H2BC12: variants seen among roughly 807,000 people sequenced by gnomAD.
H2BC12 encodes H2B clustered histone 12.
Under a neutral mutation model 6.3 loss-of-function variants are expected in H2BC12, and 6 were observed. That is an observed-to-expected ratio of 0.95 (90% CI 0.52 to 1.87). H2BC12 has a LOEUF of 1.87. H2BC12 is among the 40% of genes most tolerant of loss of function. H2BC12 has a pLI of 0.01. For synonymous variants in H2BC12, 132 were observed against 78.5 expected (o/e 1.68, Z -3.60); for missense variants, 119 against 178.4 (o/e 0.67, Z 1.90).
chr6:27,139,487 A>G, the H2BC12 span: 1 of 1,614,158 alleles, frequency 6.2e-7, no homozygotes, highest in Admixed American at 1.7e-5. Context: ...GGAGTGTTGA[A>G]GGTGTTCCTG....
chr6:27,146,268 A>G (rs1562028372), downstream of H2BC12: 1 of 1,306,420 alleles, frequency 7.7e-7, no homozygotes, highest in Non-Finnish European at 1.1e-6. Context: ...TGCATTACTC[A>G]GTGTGATAAG....
At position 27,146,387 on chromosome 6, in the gene H2BC12, G is replaced by T; in HGVS notation, c.*31C>A. On this transcript the variant is annotated 3_prime_UTR_variant, in exon 1 of 1. Transcript: ENST00000356950. ...AAGTGGCTCTTAAAAGAGCCTTTGG[G>T]GTTGGGCTTTAAGACGCTTACTTGG... 1 of 1,614,044 alleles carries T rather than the reference G, an allele frequency of 6.2e-7. No homozygotes were observed. Among genetic ancestry groups the T allele is most frequent in the East Asian group, 2.2e-5 (1 of 44,888 alleles).
chr6:27,144,209 C>G (rs907236726), downstream of H2BC12, among the ~76,000 whole-genome samples: 1 of 152,086 alleles, frequency 6.6e-6, no homozygotes, highest in African/African-American at 2.4e-5. Context: ...CACCTGTAAT[C>G]CTAGCACTTT....
At chr6:27,140,795 T>C in the H2BC12 span, among the ~76,000 whole-genome samples, 1 of 152,236 alleles carries the variant, frequency 6.6e-6, no homozygotes, top group Non-Finnish European at 1.5e-5. Flanking sequence ...TCTATTCAGA[T>C]TCTCTACAGT....
downstream of H2BC12, among the ~76,000 whole-genome samples, chr6:27,142,565 A>T (rs1489486043): frequency 6.9e-6 from 1 of 145,606 alleles, no homozygotes; most frequent in Non-Finnish European, 1.5e-5. Context: ...TGCCCAGACA[A>T]TTTTTTTTAA....
rs1466395183 is a variant in H2BC12 at position 27,146,602 on chromosome 6, A to G, written c.197T>C (p.Phe66Ser). The stretch of plus-strand genomic sequence containing the variant: ...GATGCGTTCGAAGATGTCGTTGACG[A>G]AGGAGTTCATGATTCCCATGGCCTT... ...SSKAMGIMNS[F>S]VNDIFERIAG... Residue 66 changes from phenylalanine (F) to serine (S), a missense_variant, in exon 1 of 1, where the codon TTC (phenylalanine) becomes TCC (serine). Around this residue, in one of 2 missense-constraint regions of H2BC12, gnomAD observed 69 missense variants for 141.0 expected, o/e 0.49. Coordinates refer to ENST00000356950, the MANE Select transcript of H2BC12 (RefSeq NM_001312653.2). The G allele has an allele frequency of 6.2e-7, 1 of 1,614,236 alleles. No individual in the cohort carries two copies.
At chr6:27,140,918 C>T in the H2BC12 span, among the ~76,000 whole-genome samples, 1 of 149,752 alleles carries the variant, frequency 6.7e-6, no homozygotes, top group Non-Finnish European at 1.5e-5. Context: ...TTTAACTGTT[C>T]GTGATATCTT....
At chr6:27,140,462 T>C in the H2BC12 span, among the ~76,000 whole-genome samples, 1 of 152,264 alleles carries the variant, frequency 6.6e-6, no homozygotes, top group Non-Finnish European at 1.5e-5. Context: ...AGGTTATTTT[T>C]ACCATTAATC....
At chr6:27,146,281 CATG>C, downstream of H2BC12, 1 of 1,415,590 alleles carries the variant, frequency 7.1e-7, no homozygotes, top group African/African-American at 1.4e-5. Flanking sequence ...GTGATAAGAT[CATG>C]ATAATCCCTT....
chr6:27,146,338 T>C (rs1463814912), downstream of H2BC12: 7 of 1,594,894 alleles, frequency 4.4e-6, no homozygotes, highest in Non-Finnish European at 6.0e-6. Flanking sequence ...GAACACGTGT[T>C]TACAGCTCTA....
the H2BC12 span, chr6:27,139,055 A>G: frequency 2.3e-6 from 1 of 427,780 alleles, no homozygotes; most frequent in Admixed American, 4.0e-5. Context: ...TAATGTTAAC[A>G]TTTTTGTTAT....
At chr6:27,146,079 A>G (rs1254013140), downstream of H2BC12, among the ~76,000 whole-genome samples, 1 of 152,378 alleles carries the variant, frequency 6.6e-6, no homozygotes, top group Non-Finnish European at 1.5e-5. Flanking sequence ...AAGTTCTAAC[A>G]GGAAGTCACA....
At chr6:27,139,192 A>G in the H2BC12 span, 1 of 1,139,786 alleles carries the variant, frequency 8.8e-7, no homozygotes, top group Non-Finnish European at 1.2e-6. Context: ...CCCCTCCCCC[A>G]ATGCAGAGGG....
chr6:27,143,375 C>A (rs1760031381), downstream of H2BC12, among the ~76,000 whole-genome samples: 1 of 151,982 alleles, frequency 6.6e-6, no homozygotes. Flanking sequence ...ATTTCCTTTC[C>A]TTCACTTATA....
chr6:27,145,680 A>AT (rs1472445268), downstream of H2BC12, among the ~76,000 whole-genome samples: 1 of 152,152 alleles, frequency 6.6e-6, no homozygotes, highest in African/African-American at 2.4e-5. Flanking sequence ...CTTTCTTGTC[A>AT]AAAGGAAAAA....
chr6:27,139,560 C>T, the H2BC12 span: 2 of 1,614,112 alleles, frequency 1.2e-6, no homozygotes, highest in South Asian at 2.2e-5. Flanking sequence ...CGGTCACCGC[C>T]ATGGACGTGG....
At chr6:27,141,368 C>G (rs183963988), downstream of H2BC12, among the ~76,000 whole-genome samples, 936 of 152,100 alleles carry the variant, frequency 6.2e-3, 7 homozygotes, top group African/African-American at 0.019. Flanking sequence ...TTTTATTACT[C>G]TTATTTTAAA....
chr6:27,145,068 C>T (rs1471971993), downstream of H2BC12, among the ~76,000 whole-genome samples: 1 of 152,134 alleles, frequency 6.6e-6, no homozygotes, highest in East Asian at 1.9e-4. Context: ...AGATATAGAT[C>T]AGTGCCTCCT....
chr6:27,145,306 AC>A (rs1368593144), downstream of H2BC12, among the ~76,000 whole-genome samples: 1 of 142,358 alleles, frequency 7.0e-6, no homozygotes, highest in Non-Finnish European at 1.5e-5. Context: ...ACACACACAC[AC>A]ACACACACAC....
Sources: gnomAD v4.1 joint callset for allele counts (sites outside exome capture counted in the v4.1 genomes callset) on GRCh38, gnomAD v4.1.1 for gene constraint, gnomAD v4.1.1 regional missense constraint, MANE v1.5 for transcripts, NCBI Gene and HGNC (gene_info 2026-07-23, HGNC 2026-07-21) for gene names.